The following TMEM242 variants were observed in gnomAD, a reference collection of about 807,000 sequenced individuals.
TMEM242 encodes the protein UPF0463 transmembrane protein C6orf35.
In TMEM242, 10 loss-of-function variants were observed where a neutral mutation model predicts 18.2. The ratio of observed to expected loss-of-function variants is 0.55; its 90% confidence interval spans 0.34 to 0.93. The LOEUF (loss-of-function observed/expected upper bound fraction) is 0.93. Among genes scored for constraint, TMEM242 ranks in the 40% least tolerant of loss-of-function variants. The pLI is 0.02. For synonymous variants in TMEM242, 57 were observed against 69.9 expected, an observed-to-expected ratio of 0.81 and a Z score of 0.92; for missense variants, 186 against 175.5, an observed-to-expected ratio of 1.06 and a Z score of -0.34.
intron 3 of TMEM242, among the ~76,000 whole-genome samples, chr6:157,316,297 C>T (rs1313171068): frequency 1.3e-5 from 2 of 152,154 alleles, no homozygotes; most frequent in African/African-American, 4.8e-5. Flanking sequence ...CATGTTATGT[C>T]ATCTTGGGCA....
intron 3 of TMEM242, among the ~76,000 whole-genome samples, chr6:157,315,435 T>C (rs990744406): frequency 5.9e-5 from 9 of 152,250 alleles, no homozygotes; most frequent in Non-Finnish European, 8.8e-5. Context: ...TTCATTTTTC[T>C]GTGGGCCTTC....
rs1183812439 is a variant in TMEM242, at chr6:157,315,325, GC to G, written c.327+3456del. Among the ~76,000 whole-genome samples the G allele has an allele frequency of 5.3e-5, 8 of 152,190 alleles. No homozygotes were observed. In the East Asian group the frequency reaches 1.5e-3, roughly 29 times the overall value. ...TAGCGCTGTCTTAGCACAGTGCTTG[GC>G]TCAGGAGAGACCCACAAATGACTTT... On this transcript the variant is annotated intron_variant, in intron 3 of 3. Coordinates refer to ENST00000400788, the MANE Select transcript of TMEM242 (RefSeq NM_018452.6).
At chr6:157,321,141 TG>T (rs1215296388) in intron 2 of TMEM242, among the ~76,000 whole-genome samples, 1 of 151,900 alleles carries the variant, frequency 6.6e-6, no homozygotes, top group Non-Finnish European at 1.5e-5. Context: ...CCCGAGTAGC[TG>T]GGACTACAGG....
chr6:157,299,811 G>A, intron 3 of TMEM242: 1 of 1,608,660 alleles, frequency 6.2e-7, no homozygotes. Context: ...GGGCTGCCAT[G>A]TTGAAGATCC....
At chr6:157,300,039 C>CT in intron 3 of TMEM242, 2 of 890,062 alleles carry the variant, frequency 2.2e-6, no homozygotes, top group Non-Finnish European at 3.7e-6. Context: ...GGCATGCGCG[C>CT]TGCCTGACTG....
At chr6:157,317,937 G>A (rs1395010520) in intron 3 of TMEM242, among the ~76,000 whole-genome samples, 4 of 152,084 alleles carry the variant, frequency 2.6e-5, no homozygotes, top group African/African-American at 4.8e-5. Context: ...CACCAGTCAC[G>A]AAGGGTCCGG....
rs1777700886 is a variant in TMEM242 at position 157,292,787 on chromosome 6, T to C, written c.*114A>G. ...AATGCTATCCAGTGCACTGGTTCAG[T>C]CAGCAATCTGCCCATGTTCCTGGGA... On this transcript the variant is annotated 3_prime_UTR_variant, in exon 4 of 4. Coordinates refer to ENST00000400788, the MANE Select transcript of TMEM242 (RefSeq NM_018452.6). 4.9e-6 allele frequency: 4 copies of C among 809,120 alleles called. No individual in the cohort carries two copies. The South Asian group carries it at 6.3e-5, about 13-fold the overall frequency. The allele number at this position is 809,120 out of a possible 1,614,324, so 50.1% of individuals were successfully genotyped here. A position where few individuals can be genotyped will look rare whatever the true frequency, so the allele number is the denominator to read the frequency against.
intron 3 of TMEM242, among the ~76,000 whole-genome samples, chr6:157,296,100 GGTTGA>G (rs781935571): frequency 6.6e-5 from 10 of 152,108 alleles, no homozygotes; most frequent in Non-Finnish European, 1.0e-4. Context: ...AAGATTTAGG[GGTTGA>G]GTGCATTTAA....
At chr6:157,312,357 G>GCCACAGTGTGCACTCACCTAGCGTCA (rs1778175423) in intron 3 of TMEM242, among the ~76,000 whole-genome samples, 2 of 38,910 alleles carry the variant, frequency 5.1e-5, no homozygotes, top group Admixed American at 2.6e-4. Flanking sequence ...GCCTCATCAT[G>GCCACAGTGTGCACTCACCTAGCGTCA]TCCCAGTGTG....
intron 3 of TMEM242, among the ~76,000 whole-genome samples, chr6:157,317,969 T>A (rs1485266896): frequency 6.6e-6 from 1 of 152,188 alleles, no homozygotes; most frequent in Admixed American, 6.5e-5. Flanking sequence ...TCCAACCAGT[T>A]GTTTAAAAAA....
chr6:157,322,246 T>A (rs1481170550), intron 2 of TMEM242, among the ~76,000 whole-genome samples: 2 of 152,190 alleles, frequency 1.3e-5, no homozygotes, highest in Non-Finnish European at 2.9e-5. Context: ...TTCTCCTGCC[T>A]CAGCCTCCCG....
chr6:157,300,248 C>T (rs1777810362), intron 3 of TMEM242: 1 of 365,084 alleles, frequency 2.7e-6, no homozygotes, highest in Admixed American at 4.1e-5. Flanking sequence ...AAGACACGCC[C>T]CCTGGCCCTC....
chr6:157,313,086 C>G (rs200581899), intron 3 of TMEM242, among the ~76,000 whole-genome samples: 13 of 149,126 alleles, frequency 8.7e-5, no homozygotes, highest in South Asian at 2.2e-4. Context: ...ATGCACTCAC[C>G]TGGCCTCATC....
chr6:157,313,976 C>T (rs1554250004), intron 3 of TMEM242, among the ~76,000 whole-genome samples: 2 of 151,400 alleles, frequency 1.3e-5, no homozygotes, highest in African/African-American at 4.9e-5. Context: ...CACCTGGCCT[C>T]ATCATAGTGC....
intron 3 of TMEM242, among the ~76,000 whole-genome samples, chr6:157,317,189 C>T (rs1159544760): frequency 2.6e-5 from 4 of 152,152 alleles, no homozygotes; most frequent in African/African-American, 7.2e-5. Flanking sequence ...CATTTCCTTC[C>T]TTCACTTTGT....
At chr6:157,312,840 G>C (rs1554249447) in intron 3 of TMEM242, among the ~76,000 whole-genome samples, 2 of 101,892 alleles carry the variant, frequency 2.0e-5, no homozygotes, top group East Asian at 3.4e-4. Context: ...GCCACAGTGT[G>C]CACTCACCTG....
chr6:157,300,151 G>C, intron 3 of TMEM242: 1 of 571,790 alleles, frequency 1.7e-6, no homozygotes, highest in East Asian at 3.0e-5. Context: ...GAAATGGAGG[G>C]AGAGAATGGA....
At chr6:157,309,792 T>C (rs1418960989) in intron 3 of TMEM242, among the ~76,000 whole-genome samples, 2 of 152,198 alleles carry the variant, frequency 1.3e-5, no homozygotes, top group African/African-American at 2.4e-5. Context: ...CAACTTAAAG[T>C]ACTTCACAAT....
At chr6:157,311,008 G>A (rs1778039580) in intron 3 of TMEM242, among the ~76,000 whole-genome samples, 1 of 24,416 alleles carries the variant, frequency 4.1e-5, no homozygotes, top group South Asian at 1.3e-3. Context: ...CCTCCCCAGT[G>A]TGCAGTCACC....
Sources: gnomAD v4.1 joint callset for allele counts (sites outside exome capture counted in the v4.1 genomes callset) on GRCh38, gnomAD v4.1.1 for gene constraint, MANE v1.5 for transcripts, NCBI Gene and HGNC (gene_info 2026-07-23, HGNC 2026-07-21) for gene names.